The following CLSTN2 variants were observed in gnomAD, a reference collection of about 807,000 sequenced individuals.
CLSTN2 encodes calsyntenin-2.
CLSTN2 carries 48 observed loss-of-function variants against 101.2 expected under a neutral mutation model. The ratio of observed to expected loss-of-function variants is 0.47; its 90% confidence interval spans 0.38 to 0.60. The LOEUF is 0.60. Ranked by LOEUF, CLSTN2 falls within the 20% of genes least tolerant of loss-of-function variation. The pLI is 0.00. For missense variants in CLSTN2, 1,160 were observed against 1,238.2 expected, an observed-to-expected ratio of 0.94 and a Z score of 0.95; for synonymous variants, 481 against 463.6, an observed-to-expected ratio of 1.04 and a Z score of -0.48.
At chr3:139,936,177 G>T (rs955141785) in intron 1 of CLSTN2, among the ~76,000 whole-genome samples, 1 of 152,180 alleles carries the variant, frequency 6.6e-6, no homozygotes, top group Non-Finnish European at 1.5e-5. Context: ...CGCGCCTCCC[G>T]CCCGGAAGGA....
chr3:140,012,035 G>A (rs1422542148), intron 1 of CLSTN2, among the ~76,000 whole-genome samples: 1 of 152,176 alleles, frequency 6.6e-6, no homozygotes, highest in African/African-American at 2.4e-5. Context: ...AGGCAAAGCT[G>A]ACTGTGGCTG....
intron 2 of CLSTN2, among the ~76,000 whole-genome samples, chr3:140,324,456 A>C (rs1219185508): frequency 6.6e-6 from 1 of 152,244 alleles, no homozygotes; most frequent in African/African-American, 2.4e-5. Flanking sequence ...TAAGGAAAGC[A>C]AATATATGTA....
intron 5 of CLSTN2, among the ~76,000 whole-genome samples, chr3:140,430,616 A>T (rs1336924367): frequency 1.3e-5 from 2 of 152,190 alleles, no homozygotes; most frequent in African/African-American, 4.8e-5. Flanking sequence ...TTACAGAAAA[A>T]GTTTCGTGAC....
chr3:140,002,345 T>C (rs1560066916), intron 1 of CLSTN2, among the ~76,000 whole-genome samples: 1 of 152,200 alleles, frequency 6.6e-6, no homozygotes, highest in Admixed American at 6.5e-5. Context: ...TGCCTGTTTA[T>C]CATTTGTATG....
At chr3:140,361,418 A>G (rs2087728732) in intron 2 of CLSTN2, among the ~76,000 whole-genome samples, 2 of 152,198 alleles carry the variant, frequency 1.3e-5, no homozygotes, top group African/African-American at 4.8e-5. Flanking sequence ...CATAAGATGG[A>G]GACAAGGTAA....
intron 2 of CLSTN2, among the ~76,000 whole-genome samples, chr3:140,313,944 G>A (rs2087201892): frequency 1.3e-5 from 2 of 152,198 alleles, no homozygotes; most frequent in African/African-American, 4.8e-5. Context: ...ACCTGCCCCA[G>A]TACCAGTTCC....
intron 8 of CLSTN2, among the ~76,000 whole-genome samples, chr3:140,481,332 CT>C (rs1934111567): frequency 6.6e-6 from 1 of 152,178 alleles, no homozygotes; most frequent in African/African-American, 2.4e-5. Context: ...CAGTACCATG[CT>C]ATTTTGGTTA....
At chr3:140,103,454 G>A (rs770679713) in intron 1 of CLSTN2, among the ~76,000 whole-genome samples, 2 of 152,190 alleles carry the variant, frequency 1.3e-5, no homozygotes, top group Admixed American at 6.5e-5. Context: ...GACTGCCATA[G>A]TGCCTCCAAT....
intron 4 of CLSTN2, among the ~76,000 whole-genome samples, chr3:140,407,831 G>A (rs1360443754): frequency 6.6e-6 from 1 of 152,188 alleles, no homozygotes; most frequent in African/African-American, 2.4e-5. Context: ...AGTGGTGATA[G>A]AGCTAGGACT....
chr3:140,116,695 A>G (rs4683801), intron 1 of CLSTN2, among the ~76,000 whole-genome samples: 39,253 of 151,880 alleles, frequency 0.26, 5,377 homozygotes, highest in Non-Finnish European at 0.29. Context: ...GTCATTTATC[A>G]CCATATCCCT....
chr3:140,298,921 G>A (rs1248095969), intron 2 of CLSTN2, among the ~76,000 whole-genome samples: 1 of 152,170 alleles, frequency 6.6e-6, no homozygotes, highest in Non-Finnish European at 1.5e-5. Flanking sequence ...CTGAGATCCG[G>A]GAATAGGCTG....
intron 1 of CLSTN2, among the ~76,000 whole-genome samples, chr3:139,937,812 C>G (rs1231815123): frequency 1.3e-5 from 2 of 152,082 alleles, no homozygotes; most frequent in Non-Finnish European, 2.9e-5. Context: ...ATTGGCCCTG[C>G]AGATTGAGAG....
At position 140,572,935 on chromosome 3, in the gene CLSTN2, C is replaced by A. The variant is rs1055917070; in HGVS notation, c.*6682C>A. ...TCACTGAAGCAGTGGTTTCAAGGAA[C>A]CTTGGTCCTAGTCCGCATCCTTCAC... On this transcript the variant is annotated 3_prime_UTR_variant, in exon 17 of 17. Coordinates refer to ENST00000458420, the MANE Select transcript of CLSTN2 (RefSeq NM_022131.3). 1 of 152,342 alleles carries A rather than the reference C, an allele frequency of 6.6e-6. No homozygotes were observed. The highest frequency in any genetic ancestry group is 2.4e-5 in the African/African-American group (1 of 41,450). 9.4% of individuals were successfully genotyped at this position (152,342 alleles called of 1,614,324 possible). A position where few individuals can be genotyped will look rare whatever the true frequency, so the allele number is the denominator to read the frequency against.
chr3:140,320,042 T>A (rs368240053), intron 2 of CLSTN2, among the ~76,000 whole-genome samples: 1 of 152,352 alleles, frequency 6.6e-6, no homozygotes, highest in South Asian at 2.1e-4. Context: ...GCATCTGAAG[T>A]GTCACCTGGG....
Position 140,570,316 on chromosome 3 carries a change from TC to T in CLSTN2, c.*4064del, listed in dbSNP as rs1985485946. On this transcript the variant is annotated 3_prime_UTR_variant, in exon 17 of 17. Transcript: ENST00000458420. ...ATAGTTGCAACTGACCTGAACATAT[TC>T]TTTTTTTCATTATTATTCCTTGAAC... The T allele has an allele frequency of 6.6e-6, 1 of 152,234 alleles. No homozygotes were observed. Among genetic ancestry groups the T allele is most frequent in the East Asian group, 1.9e-4 (1 of 5,204 alleles). 9.4% of individuals were successfully genotyped at this position (152,234 alleles called of 1,614,324 possible).
chr3:140,119,274 C>G (rs1450034565), intron 1 of CLSTN2, among the ~76,000 whole-genome samples: 2 of 152,308 alleles, frequency 1.3e-5, no homozygotes, highest in African/African-American at 4.8e-5. Flanking sequence ...AACAGTCAAC[C>G]AGTAATTGGT....
intron 5 of CLSTN2, among the ~76,000 whole-genome samples, chr3:140,432,473 G>A (rs2088642406): frequency 6.6e-6 from 1 of 152,232 alleles, no homozygotes; most frequent in East Asian, 1.9e-4. Flanking sequence ...CCCCAGGGCA[G>A]GTGCTCCGGA....
intron 8 of CLSTN2, among the ~76,000 whole-genome samples, chr3:140,486,970 G>C (rs1934253335): frequency 2.0e-5 from 3 of 152,218 alleles, no homozygotes; most frequent in African/African-American, 7.2e-5. Context: ...AATGACTTAG[G>C]AGTGTGGGAT....
intron 8 of CLSTN2, among the ~76,000 whole-genome samples, chr3:140,468,759 T>C (rs1338236031): frequency 6.6e-6 from 1 of 152,182 alleles, no homozygotes; most frequent in Non-Finnish European, 1.5e-5. Flanking sequence ...ATTTTAAAAA[T>C]TTGCATTTCT....
Sources: allele counts gnomAD v4.1 joint callset (sites outside exome capture counted in the v4.1 genomes callset), GRCh38; gene constraint gnomAD v4.1.1; transcripts MANE v1.5; gene names NCBI Gene and HGNC (gene_info 2026-07-23, HGNC 2026-07-21).